Variants in WNK3 observed in about 807,000 individuals in gnomAD.
WNK3 encodes the protein serine/threonine-protein kinase WNK3.
Under a neutral mutation model 116.7 loss-of-function variants are expected in WNK3, and 18 were observed. The observed-to-expected ratio is 0.15, with a 90% confidence interval of 0.11 to 0.23. The LOEUF (loss-of-function observed/expected upper bound fraction) is 0.23, where lower values mean the gene tolerates loss of function less well. Ranked by LOEUF, WNK3 falls within the 10% of genes least tolerant of loss-of-function variation. WNK3 has a pLI of 1.00. For missense variants in WNK3, 993 were observed against 1,323.8 expected, an observed-to-expected ratio of 0.75 and a Z score of 3.88; for synonymous variants, 404 against 469.4, an observed-to-expected ratio of 0.86 and a Z score of 1.80.
chrX:54,252,538 C>T (rs1412415308), intron 13 of WNK3, among the ~76,000 whole-genome samples: 1 of 109,813 alleles, frequency 9.1e-6, no homozygotes, highest in Non-Finnish European at 1.9e-5. Flanking sequence ...GGTGTGGTGG[C>T]GTGCGCCTGT....
chrX:54,321,321 C>G lies in WNK3; in HGVS notation c.538-10030G>C, dbSNP rs956231218. On this transcript the variant is annotated intron_variant, in intron 2 of 23. Coordinates refer to ENST00000354646, the Ensembl canonical transcript of WNK3. Reference sequence around the variant, plus strand: ...AAAAGAAAAGTAAAAAATTAAGGCTCCAGTTAAACTATCTGGCTTACCCAA... The same window carrying G: ...AAAAGAAAAGTAAAAAATTAAGGCTGCAGTTAAACTATCTGGCTTACCCAA... 3.6e-5 allele frequency among the ~76,000 whole-genome samples: 4 copies of G among 111,884 alleles called. No homozygotes were observed. The Admixed American group carries it at 3.8e-4, about 11-fold the overall frequency.
chrX:54,302,757 A>ATATATAT (rs1557167848), intron 5 of WNK3, among the ~76,000 whole-genome samples: 27 of 43,371 alleles, frequency 6.2e-4, no homozygotes, highest in African/African-American at 6.7e-4. Context: ...ATATATATAT[A>ATATATAT]TTTTTTTTTT....
intron 1 of WNK3, among the ~76,000 whole-genome samples, chrX:54,347,443 G>A (rs1281041108): frequency 9.0e-6 from 1 of 110,901 alleles, no homozygotes; most frequent in Non-Finnish European, 1.9e-5. Context: ...CCAAGATAGC[G>A]CCACTGCACT....
intron 17 of WNK3, among the ~76,000 whole-genome samples, chrX:54,248,163 G>A (rs1490263212): frequency 1.8e-5 from 2 of 109,131 alleles, no homozygotes; most frequent in Non-Finnish European, 3.8e-5. Context: ...ACTTGAACCC[G>A]GGAGGCAGAC....
At chrX:54,273,233 C>G (rs183636978) in intron 10 of WNK3, among the ~76,000 whole-genome samples, 337 of 112,282 alleles carry the variant, frequency 3.0e-3, no homozygotes, top group Non-Finnish European at 3.0e-3. Flanking sequence ...ATGGTAACAA[C>G]GAACGTATAC....
intron 1 of WNK3, among the ~76,000 whole-genome samples, chrX:54,349,536 T>TC (rs1196608720): frequency 1.8e-4 from 20 of 110,924 alleles, no homozygotes. Flanking sequence ...TCTTCACAAT[T>TC]CCCCTCCCCC....
chrX:54,275,413 ATATGTGTGTGTGTGTGTGTGTG>A (rs2068433744), intron 10 of WNK3, among the ~76,000 whole-genome samples: 2 of 58,336 alleles, frequency 3.4e-5, no homozygotes, highest in African/African-American at 1.2e-4. Context: ...GTATAAGTTC[ATATGTGTGTGTGTGTGTGTGTG>A]TGTGTGTGTG....
At position 54,226,715 on chromosome X, in the gene WNK3, C is replaced by T. The variant is rs148221499; in HGVS notation, c.4870+1999G>A. On this transcript the variant is annotated intron_variant, in intron 22 of 23. Transcript: ENST00000354646. ...AATTAGTGGGGTGTGGTGCCACGCG[C>T]CTGTGTCCCAGCTACTCAGGAGGCT... 8.4e-3 allele frequency among the ~76,000 whole-genome samples: 905 copies of T among 108,081 alleles called. 13 individuals are homozygous for T. The highest frequency in any genetic ancestry group is 0.03 in the African/African-American group (888 of 29,663). 93.9% of individuals were successfully genotyped at this position (108,081 alleles called of 115,157 possible).
At chrX:54,350,910 T>C (rs782175508) in intron 1 of WNK3, among the ~76,000 whole-genome samples, 1 of 111,197 alleles carries the variant, frequency 9.0e-6, no homozygotes, top group Non-Finnish European at 1.9e-5. Flanking sequence ...TATACTGATA[T>C]ATAAAAATCT....
At chrX:54,327,953 A>C (rs1557173737) in intron 2 of WNK3, among the ~76,000 whole-genome samples, 1 of 108,952 alleles carries the variant, frequency 9.2e-6, no homozygotes, top group Non-Finnish European at 1.9e-5. Context: ...TGGGTGACAG[A>C]GGGAGACCCT....
intron 23 of WNK3, among the ~76,000 whole-genome samples, chrX:54,200,950 A>G (rs2067495166): frequency 8.9e-6 from 1 of 112,118 alleles, no homozygotes; most frequent in Admixed American, 9.5e-5. Context: ...GAGGATTTTG[A>G]AAATTTTTAT....
chrX:54,264,514 T>C, intron 10 of WNK3, among the ~76,000 whole-genome samples: 1 of 110,044 alleles, frequency 9.1e-6, no homozygotes, highest in Non-Finnish European at 1.9e-5. Flanking sequence ...AAAAGCACGG[T>C]TCCTGGGATA....
intron 2 of WNK3, among the ~76,000 whole-genome samples, chrX:54,326,093 AT>A (rs781887611): frequency 1.5e-3 from 148 of 100,564 alleles, no homozygotes; most frequent in Admixed American, 2.3e-3. Flanking sequence ...TGTTTGTTTG[AT>A]TTTTTTTTTT....
At chrX:54,304,399 C>T (rs897479357) in intron 5 of WNK3, among the ~76,000 whole-genome samples, 10 of 108,800 alleles carry the variant, frequency 9.2e-5, no homozygotes, top group Admixed American at 3.0e-4. Flanking sequence ...AAAATAGCTG[C>T]GTGTGGTGGT....
chrX:54,295,874 A>G (rs1324142826), intron 7 of WNK3, among the ~76,000 whole-genome samples: 1 of 110,552 alleles, frequency 9.0e-6, no homozygotes, highest in South Asian at 3.9e-4. Flanking sequence ...TTTTGTAGAG[A>G]TGGGGTCTCC....
chrX:54,276,321 C>T (rs782397957), intron 10 of WNK3, among the ~76,000 whole-genome samples: 60 of 109,588 alleles, frequency 5.5e-4, no homozygotes, highest in African/African-American at 1.9e-3. Flanking sequence ...GGTGACAGAG[C>T]GAGACTCTGT....
exon 17 of WNK3, chrX:54,249,202 G>T (rs1302788593): frequency 1.7e-6 from 2 of 1,210,217 alleles, no homozygotes; most frequent in African/African-American, 3.5e-5. Context: ...ATCCATAGCT[G>T]GCTGCTGTAC....
At chrX:54,336,931 T>TAATACC (rs2069246542) in intron 1 of WNK3, among the ~76,000 whole-genome samples, 2 of 111,524 alleles carry the variant, frequency 1.8e-5, no homozygotes, top group Admixed American at 1.9e-4. Context: ...ACTGAACTCA[T>TAATACC]GAAGGTCTCT....
At chrX:54,302,706 T>C (rs1162152869) in intron 5 of WNK3, among the ~76,000 whole-genome samples, 1 of 25,104 alleles carries the variant, frequency 4.0e-5, no homozygotes, top group African/African-American at 1.5e-4. Flanking sequence ...CAATTCTCTC[T>C]CTCTCTCTCT....
Sources: gnomAD v4.1 joint callset for allele counts (sites outside exome capture counted in the v4.1 genomes callset) on GRCh38, gnomAD v4.1.1 for gene constraint, MANE v1.5 for transcripts, NCBI Gene and HGNC (gene_info 2026-07-23, HGNC 2026-07-21) for gene names.